The following AKR1C3 variants were observed in gnomAD, a reference collection of about 807,000 sequenced individuals.
AKR1C3 encodes the protein aldo-keto reductase family 1 member C3.
Under a neutral mutation model 43.6 loss-of-function variants are expected in AKR1C3, and 48 were observed. The observed-to-expected ratio is 1.10, with a 90% CI of 0.87 to 1.40. The LOEUF (loss-of-function observed/expected upper bound fraction) is 1.40. AKR1C3 is among the 40% of genes most tolerant of loss of function. AKR1C3 has a pLI of 0.00. For synonymous variants in AKR1C3, 162 were observed against 139.6 expected (o/e 1.16, Z -1.13); for missense variants, 482 against 391.2 (o/e 1.23, Z -1.96).
intron 1 of AKR1C3, among the ~76,000 whole-genome samples, chr10:5,054,724 A>G (rs1354651404): frequency 1.4e-5 from 2 of 145,678 alleles, no homozygotes; most frequent in African/African-American, 5.1e-5. Context: ...TTTCTCTTTG[A>G]CTCTGTTTCC....
chr10:5,105,305 GTGACCCTATCATGTGGGCACAA>G lies in AKR1C3; in HGVS notation c.847-287_847-266del, dbSNP rs1839471892. On this transcript the variant is annotated intron_variant, in intron 7 of 8. Coordinates refer to ENST00000380554, the MANE Select transcript of AKR1C3 (RefSeq NM_003739.6). ...CATGACCCTATCATGTGGGCACAAT[GTGACCCTATCATGTGGGCACAA>G]TGTCAGCGCTGTTTCTTCTCCATTT... 4.1e-4 allele frequency: 4 copies of G among 9,834 alleles called. No individual in the cohort carries two copies. The South Asian group carries it at 8.3e-3, about 20-fold the overall frequency. The allele number at this position is 9,834 out of a possible 1,614,324, so 0.6% of individuals were successfully genotyped here. A position where few individuals can be genotyped will look rare whatever the true frequency, so the allele number is the denominator to read the frequency against.
chr10:5,050,932 A>G (rs1395303305), intron 1 of AKR1C3, among the ~76,000 whole-genome samples: 7 of 152,250 alleles, frequency 4.6e-5, no homozygotes, highest in African/African-American at 1.7e-4. Context: ...AAAATTATTT[A>G]TTAGTGATGA....
chr10:5,106,237 C>T (rs1392508731), intron 8 of AKR1C3, among the ~76,000 whole-genome samples: 1 of 152,124 alleles, frequency 6.6e-6, no homozygotes, highest in African/African-American at 2.4e-5. Context: ...TCCAGAAAGC[C>T]TTCCTTAGTG....
At chr10:5,052,436 C>T (rs1004450928) in intron 1 of AKR1C3, among the ~76,000 whole-genome samples, 1 of 152,188 alleles carries the variant, frequency 6.6e-6, no homozygotes, top group Admixed American at 6.5e-5. Flanking sequence ...TGGCCCCACC[C>T]ACATCCTGCT....
At chr10:5,096,369 C>A (rs368717761) in intron 1 of AKR1C3, 41 bp from the exon 2 acceptor site, 16 of 1,595,252 alleles carry the variant, frequency 1.0e-5, no homozygotes, top group African/African-American at 2.7e-5. Flanking sequence ...TACCTCTCAG[C>A]CACAGTGATC....
intron 1 of AKR1C3, chr10:5,081,750 C>G (rs1838841800): frequency 6.6e-6 from 1 of 152,266 alleles, no homozygotes; most frequent in Admixed American, 6.5e-5. Flanking sequence ...TGAGGCTTCT[C>G]TGCAAAACAT....
At chr10:5,105,511 T>C (rs1166807559) in intron 7 of AKR1C3, 84 bp from the exon 8 acceptor site, 6 of 1,013,954 alleles carry the variant, frequency 5.9e-6, no homozygotes, top group Non-Finnish European at 8.9e-6. Context: ...ATTTTAAGTA[T>C]TGTCTCTGCA....
intron 1 of AKR1C3, among the ~76,000 whole-genome samples, chr10:5,069,590 C>T (rs573382611): frequency 6.6e-6 from 1 of 152,232 alleles, no homozygotes; most frequent in South Asian, 2.1e-4. Context: ...AGCAAGAATT[C>T]CTGGCCAGGC....
At chr10:5,050,375 C>T (rs1838128739) in intron 1 of AKR1C3, among the ~76,000 whole-genome samples, 1 of 100,634 alleles carries the variant, frequency 9.9e-6, no homozygotes, top group African/African-American at 5.0e-5. Flanking sequence ...ATGCAAAAGC[C>T]CCTTTGTTGG....
chr10:5,098,969 C>A lies in AKR1C3; in HGVS notation c.447+90C>A, dbSNP rs1046054996. ...CAATAGGAAAGAATGGAATATGCAC[C>A]ATTAGATCTAGAAATTCAGAAACTT... On this transcript the variant is annotated intron_variant, in intron 4 of 8. Coordinates refer to ENST00000380554, the MANE Select transcript of AKR1C3 (RefSeq NM_003739.6). 9 of 1,065,124 alleles carry A rather than the reference C, an allele frequency of 8.4e-6. No individual in the cohort carries two copies. In the East Asian group the frequency reaches 1.7e-4, roughly 20 times the overall value. 66.0% of individuals were successfully genotyped at this position (1,065,124 alleles called of 1,614,324 possible). A position where few individuals can be genotyped will look rare whatever the true frequency, so the allele number is the denominator to read the frequency against.
chr10:5,092,627 TG>T (rs373813282), upstream of AKR1C3, among the ~76,000 whole-genome samples: 88 of 152,154 alleles, frequency 5.8e-4, no homozygotes, highest in African/African-American at 2.0e-3. Context: ...CTCCAAAATT[TG>T]TTTGGTTTAT....
At chr10:5,066,600 T>C (rs1838507900) in intron 1 of AKR1C3, among the ~76,000 whole-genome samples, 1 of 152,176 alleles carries the variant, frequency 6.6e-6, no homozygotes, top group Non-Finnish European at 1.5e-5. Flanking sequence ...GGGAGCATAA[T>C]ACCTAGAGTT....
At chr10:5,051,894 T>G (rs1363373902) in intron 1 of AKR1C3, among the ~76,000 whole-genome samples, 2 of 152,206 alleles carry the variant, frequency 1.3e-5, no homozygotes, top group Non-Finnish European at 2.9e-5. Context: ...TTTACCTACT[T>G]TGGTCTCCAT....
chr10:5,090,745 C>A (rs1442582899), upstream of AKR1C3, among the ~76,000 whole-genome samples: 5 of 152,076 alleles, frequency 3.3e-5, no homozygotes, highest in African/African-American at 1.2e-4. Context: ...GGCAATTTTC[C>A]AATTTCAAAT....
chr10:5,096,559 C>G lies in AKR1C3; in HGVS notation c.234C>G (p.Asp78Glu), dbSNP rs369223729. Residue 78 changes from aspartate (D) to glutamate (E), a missense_variant, in exon 2 of 9, where the codon GAC (aspartate) becomes GAG (glutamate). Asp to Glu is a conservative substitution (Grantham distance 45, BLOSUM62 2). Transcript: ENST00000380554. ...CAGATGGCAGTGTGAAGAGAGAAGA[C>G]ATATTCTACACTTCAAAGGTACTGT... The part of the protein sequence containing the change: ...KIADGSVKRE[D>E]IFYTSKLWST... 3 of 1,613,362 alleles carry G rather than the reference C, an allele frequency of 1.9e-6. No individual in the cohort carries two copies. Among genetic ancestry groups the G allele is most frequent in the Non-Finnish European group, 2.5e-6 (3 of 1,179,604 alleles).
chr10:5,094,589 C>A, intron 1 of AKR1C3, 61 bp downstream of exon 1: 1 of 1,566,800 alleles, frequency 6.4e-7, no homozygotes, highest in South Asian at 1.1e-5. Flanking sequence ...GAAGTGAAAC[C>A]CGTATTGGGT....
At chr10:5,105,288 TATCATGTGGGCACAATGTGACC>T in intron 7 of AKR1C3, 1 of 7,768 alleles carries the variant, frequency 1.3e-4, no homozygotes, top group Non-Finnish European at 2.9e-4. Context: ...TACATGACCC[TATCATGTGGGCACAATGTGACC>T]CTATCATGTG....
intron 1 of AKR1C3, among the ~76,000 whole-genome samples, chr10:5,075,468 T>C (rs1816110961): frequency 2.1e-5 from 1 of 48,616 alleles, no homozygotes; most frequent in Non-Finnish European, 3.7e-5. Context: ...GGAAATGTCA[T>C]AAATAAGTTT....
intron 1 of AKR1C3, among the ~76,000 whole-genome samples, chr10:5,051,177 C>A (rs1343353023): frequency 1.3e-5 from 2 of 152,172 alleles, no homozygotes; most frequent in Admixed American, 1.3e-4. Context: ...CTAACTGCAA[C>A]CTCCGCCTTC....
Sources: allele counts gnomAD v4.1 joint callset (sites outside exome capture counted in the v4.1 genomes callset), GRCh38; gene constraint gnomAD v4.1.1; transcripts MANE v1.5; gene names NCBI Gene and HGNC (gene_info 2026-07-23, HGNC 2026-07-21).